SUMF1: variants seen among roughly 807,000 people sequenced by gnomAD.
SUMF1 encodes the protein formylglycine-generating enzyme.
SUMF1 carries 48 observed loss-of-function variants against 47.6 expected under a neutral mutation model. The observed-to-expected ratio is 1.01, with a 90% CI of 0.80 to 1.28. SUMF1 has a LOEUF of 1.28. Ranked by LOEUF, SUMF1 falls within the 50% of genes most tolerant of loss-of-function variation. The pLI, the probability that SUMF1 is intolerant of heterozygous loss-of-function variation, is 0.00. For synonymous variants in SUMF1, 230 were observed against 192.1 expected (o/e 1.20, Z -1.63); for missense variants, 571 against 485.4 (o/e 1.18, Z -1.66).
At chr3:4,148,578 C>G (rs1029060067) in intron 8 of SUMF1, among the ~76,000 whole-genome samples, 1 of 152,162 alleles carries the variant, frequency 6.6e-6, no homozygotes, top group African/African-American at 2.4e-5. Context: ...ATGGACAGGA[C>G]AATAAATATT....
intron 8 of SUMF1, among the ~76,000 whole-genome samples, chr3:4,213,349 G>A (rs879508614): frequency 6.6e-6 from 1 of 152,082 alleles, no homozygotes; most frequent in Admixed American, 6.5e-5. Flanking sequence ...ATCCTTTACA[G>A]ACAAGCAAAT....
At chr3:4,376,210 C>T (rs1288444800) in intron 8 of SUMF1, 120 bp downstream of exon 8, 14 of 1,207,470 alleles carry the variant, frequency 1.2e-5, no homozygotes, top group Admixed American at 1.1e-4. Context: ...TTTCTGGTTT[C>T]AGTGGGGTTA....
At chr3:4,115,805 T>C (rs1693409093) in intron 8 of SUMF1, among the ~76,000 whole-genome samples, 1 of 152,154 alleles carries the variant, frequency 6.6e-6, no homozygotes, top group African/African-American at 2.4e-5. Context: ...TGAAACTTTC[T>C]AGATACGAAA....
chr3:4,127,761 T>C (rs548910311), intron 8 of SUMF1, among the ~76,000 whole-genome samples: 1 of 152,260 alleles, frequency 6.6e-6, no homozygotes, highest in East Asian at 1.9e-4. Flanking sequence ...CAGGAGTATT[T>C]CTAGACGAAC....
chr3:4,200,042 TG>T (rs1186385634), intron 8 of SUMF1, among the ~76,000 whole-genome samples: 4 of 152,172 alleles, frequency 2.6e-5, no homozygotes, highest in Admixed American at 2.6e-4. Context: ...TCATGTGTTT[TG>T]TGCCTAGCCC....
In SUMF1 at chr3:4,130,398, CA is replaced by C. The variant is rs1306003146; in HGVS notation, c.1015-61654del. The stretch of plus-strand genomic sequence containing the variant: ...GCAATATACGTTTACTGTCCTATCT[CA>C]GGGGTATACAAACTCCCTGGCTTTG... On this transcript the variant is annotated intron_variant and NMD_transcript_variant, in intron 8 of 12. Transcript: ENST00000448413. Among the ~76,000 whole-genome samples the C allele has an allele frequency of 2.0e-5, 3 of 152,166 alleles. No individual in the cohort carries two copies. In the East Asian group the frequency reaches 5.8e-4, roughly 29 times the overall value.
chr3:4,351,655 G>C (rs1201770133), intron 8 of SUMF1, among the ~76,000 whole-genome samples: 2 of 152,174 alleles, frequency 1.3e-5, no homozygotes, highest in African/African-American at 2.4e-5. Flanking sequence ...CATTTCTTTA[G>C]GGTAACATCA....
chr3:4,439,908 T>C (rs1477114290), intron 3 of SUMF1, among the ~76,000 whole-genome samples: 3 of 151,992 alleles, frequency 2.0e-5, no homozygotes, highest in Non-Finnish European at 4.4e-5. Flanking sequence ...TTGCTTAAAC[T>C]ACTAGAAAAC....
At chr3:4,327,714 C>G (rs555353479) in intron 8 of SUMF1, among the ~76,000 whole-genome samples, 2 of 152,036 alleles carry the variant, frequency 1.3e-5, no homozygotes, top group South Asian at 2.1e-4. Context: ...TTTAACATAG[C>G]AAATAAGCTC....
intron 3 of SUMF1, among the ~76,000 whole-genome samples, chr3:4,422,518 T>A (rs2125049267): frequency 6.6e-6 from 1 of 152,248 alleles, no homozygotes; most frequent in South Asian, 2.1e-4. Flanking sequence ...CATGATTTGT[T>A]TGTCCATTCT....
At chr3:4,084,676 G>T (rs148035077) in intron 8 of SUMF1, among the ~76,000 whole-genome samples, 1 of 152,144 alleles carries the variant, frequency 6.6e-6, no homozygotes, top group African/African-American at 2.4e-5. Context: ...AACTGCTCTT[G>T]AGTTTATTAG....
intron 8 of SUMF1, among the ~76,000 whole-genome samples, chr3:4,149,032 G>T (rs1694257691): frequency 6.6e-6 from 1 of 152,034 alleles, no homozygotes; most frequent in African/African-American, 2.4e-5. Flanking sequence ...GAAGTTAGAG[G>T]AGTGAAATCT....
intron 8 of SUMF1, among the ~76,000 whole-genome samples, chr3:4,362,919 A>G (rs1699814735): frequency 6.6e-6 from 1 of 151,464 alleles, no homozygotes; most frequent in Admixed American, 6.5e-5. Context: ...GTGTCCAAAA[A>G]AAGAAAAAAA....
chr3:4,071,127 C>T (rs1420163591), intron 8 of SUMF1, among the ~76,000 whole-genome samples: 1 of 152,052 alleles, frequency 6.6e-6, no homozygotes, highest in East Asian at 1.9e-4. Context: ...GGTGATTCTA[C>T]ATACAAGCTT....
chr3:4,286,482 A>T (rs527645503), intron 8 of SUMF1, among the ~76,000 whole-genome samples: 1 of 152,258 alleles, frequency 6.6e-6, no homozygotes, highest in South Asian at 2.1e-4. Context: ...ATGAAAAACA[A>T]CTTATTTGAA....
At chr3:4,292,707 T>C (rs1252085687) in intron 8 of SUMF1, among the ~76,000 whole-genome samples, 1 of 152,232 alleles carries the variant, frequency 6.6e-6, no homozygotes, top group Non-Finnish European at 1.5e-5. Flanking sequence ...CAGACTTCAT[T>C]AAGACAAAAG....
intron 8 of SUMF1, among the ~76,000 whole-genome samples, chr3:4,248,138 G>T (rs868292731): frequency 6.6e-6 from 1 of 152,144 alleles, no homozygotes; most frequent in African/African-American, 2.4e-5. Flanking sequence ...TTTGTCCTGG[G>T]TAAGTCTCAT....
chr3:4,096,951 C>A (rs1457142432), intron 8 of SUMF1, among the ~76,000 whole-genome samples: 1 of 151,848 alleles, frequency 6.6e-6, no homozygotes, highest in African/African-American at 2.4e-5. Context: ...TGATTCCTGG[C>A]AACGAAATGA....
At chr3:4,042,363 T>A (rs1310563304) in intron 9 of SUMF1, among the ~76,000 whole-genome samples, 1 of 152,176 alleles carries the variant, frequency 6.6e-6, no homozygotes, top group Non-Finnish European at 1.5e-5. Flanking sequence ...AAAAAAACCC[T>A]GATAAATAGA....
Sources: allele counts gnomAD v4.1 joint callset (sites outside exome capture counted in the v4.1 genomes callset), GRCh38; gene constraint gnomAD v4.1.1; transcripts MANE v1.5; gene names NCBI Gene and HGNC (gene_info 2026-07-23, HGNC 2026-07-21).